The following SMTNL2 variants were observed in gnomAD, a reference collection of about 807,000 sequenced individuals.
SMTNL2 encodes the protein smoothelin like 2, also known as smoothelin-like protein 2.
In SMTNL2, 43 loss-of-function variants were observed where a neutral mutation model predicts 44.1. The observed-to-expected ratio is 0.98, with a 90% CI of 0.76 to 1.26. The LOEUF is 1.26. Among genes scored for constraint, SMTNL2 ranks in the 50% most tolerant of loss-of-function variants. The pLI, the probability that SMTNL2 is intolerant of heterozygous loss-of-function variation, is 0.00. For synonymous variants in SMTNL2, 317 were observed against 287.6 expected (o/e 1.10, Z -1.03); for missense variants, 646 against 670.2 (o/e 0.96, Z 0.40).
At chr17:4,593,271 CGAG>C (rs988772225) in intron 3 of SMTNL2, 100 bp downstream of exon 3, 8 of 1,458,230 alleles carry the variant, frequency 5.5e-6, no homozygotes, top group Admixed American at 2.4e-5. Context: ...ACATGGAAAA[CGAG>C]GGGCTAAGCC....
In SMTNL2 at chr17:4,607,292, G is replaced by A. The variant is rs1346234850; in HGVS notation, c.1260-69G>A. 8.1e-6 allele frequency: 13 copies of A among 1,595,902 alleles called. No homozygotes were observed. Among genetic ancestry groups the A allele is most frequent in the East Asian group, 2.3e-5 (1 of 43,394 alleles). ...GCTCTGTTCCCGGGACCGAGACACC[G>A]GCCCTGTCGCGGCTGTGGGGCTGGC... On this transcript the variant is annotated intron_variant, in intron 7 of 7. Transcript: ENST00000389313. This position sits in a 1 kb window ranked among gnomAD's most constrained non-coding sequence, Gnocchi z 4.7.
chr17:4,604,726 C>T (rs1389883785), intron 7 of SMTNL2, among the ~76,000 whole-genome samples: 1 of 152,098 alleles, frequency 6.6e-6, no homozygotes, highest in Non-Finnish European at 1.5e-5. Context: ...GGCTGGAGTG[C>T]AGTAGCACGA....
rs552501738 is a variant in SMTNL2, at chr17:4,595,741, G to A, written c.989+414G>A. On this transcript the variant is annotated intron_variant, in intron 5 of 7. Transcript: ENST00000389313. This position sits in a 1 kb window ranked among gnomAD's most constrained non-coding sequence, Gnocchi z 5.1. ...GCCAGAGCTGGGAGCCCCAGCATGG[G>A]GTTGGTCTTGCCCAAGGACCGAAGG... Among the ~76,000 whole-genome samples, 2 of 152,362 alleles carry A rather than the reference G, an allele frequency of 1.3e-5. No individual in the cohort carries two copies. Among genetic ancestry groups the A allele is most frequent in the East Asian group, 3.9e-4 (2 of 5,178 alleles).
In SMTNL2 at chr17:4,592,534, T is replaced by C; in HGVS notation, c.487+86T>C. On this transcript the variant is annotated intron_variant, in intron 2 of 7. Transcript: ENST00000389313. The surrounding 1 kb of genome is among the most constrained non-coding windows in gnomAD (Gnocchi z 4.5). ...TCAGGTATCTGTGCCAGGCTGGCCC[T>C]TGGCCTGGCATCGGGGGGACTCTAT... is the stretch of plus-strand genomic sequence containing the variant. The C allele has an allele frequency of 7.6e-7, 1 of 1,314,254 alleles. No individual in the cohort carries two copies. Among genetic ancestry groups the C allele is most frequent in the Non-Finnish European group, 1.1e-6 (1 of 951,034 alleles). The allele number at this position is 1,314,254 out of a possible 1,614,324, so 81.4% of individuals were successfully genotyped here.
intron 1 of SMTNL2, among the ~76,000 whole-genome samples, chr17:4,589,577 G>A (rs1041389764): frequency 5.3e-5 from 8 of 152,226 alleles, no homozygotes; most frequent in Non-Finnish European, 7.4e-5. Context: ...CTCAGGGGTC[G>A]CCTCCTCTCC....
chr17:4,600,330 C>G lies in SMTNL2; in HGVS notation c.1259+3007C>G, dbSNP rs1310282912. Among the ~76,000 whole-genome samples the G allele has an allele frequency of 1.3e-5, 2 of 152,116 alleles. No homozygotes were observed. Among genetic ancestry groups the G allele is most frequent in the Non-Finnish European group, 2.9e-5 (2 of 68,024 alleles). ...AAGGCTGAGCAGATCCAGGGTCGTG[C>G]AGGCAGCAGGACCACAGAGCTAAGA... On this transcript the variant is annotated intron_variant, in intron 7 of 7. Coordinates refer to ENST00000389313, the MANE Select transcript of SMTNL2 (RefSeq NM_001114974.2). The surrounding 1 kb of genome is among the most constrained non-coding windows in gnomAD (Gnocchi z 4.7).
chr17:4,595,384 G>A lies in SMTNL2; in HGVS notation c.989+57G>A. The A allele has an allele frequency of 6.3e-7, 1 of 1,579,556 alleles. No homozygotes were observed. The highest frequency in any genetic ancestry group is 8.6e-7 in the Non-Finnish European group (1 of 1,161,458). ...CCCACGGTGTGCCCAGACCCAGACG[G>A]GGCTTGGGTGGGTGCAGCAGGGCAA... On this transcript the variant is annotated intron_variant, in intron 5 of 7. Coordinates refer to ENST00000389313, the MANE Select transcript of SMTNL2 (RefSeq NM_001114974.2). This position sits in a 1 kb window ranked among gnomAD's most constrained non-coding sequence, Gnocchi z 5.1.
Position 4,605,157 on chromosome 17 carries a change from T to TG in SMTNL2, c.1260-2204_1260-2203insG, listed in dbSNP as rs1320490119. Reference sequence around the variant, plus strand: ...AATCTCTGACTTTTTTGTTTGGTTTTTTTTTTTTTTTTTTTTTTTTTTGAG... The same window carrying TG: ...AATCTCTGACTTTTTTGTTTGGTTTTGTTTTTTTTTTTTTTTTTTTTTTGAG... On this transcript the variant is annotated intron_variant, in intron 7 of 7. Coordinates refer to ENST00000389313, the MANE Select transcript of SMTNL2 (RefSeq NM_001114974.2). Among the ~76,000 whole-genome samples, 655 of 130,460 alleles carry TG rather than the reference T, an allele frequency of 5.0e-3. 8 individuals are homozygous for TG. Among genetic ancestry groups the TG allele is most frequent in the African/African-American group, 0.019 (622 of 32,370 alleles). 85.6% of individuals were successfully genotyped at this position (130,460 alleles called of 152,430 possible).
intron 7 of SMTNL2, among the ~76,000 whole-genome samples, chr17:4,605,366 G>A (rs1169294374): frequency 6.6e-6 from 1 of 151,818 alleles, no homozygotes; most frequent in African/African-American, 2.4e-5. Context: ...TTGCTGTGTT[G>A]TCCAGGCTGG....
rs904720522 is a variant in SMTNL2 at position 4,598,112 on chromosome 17, C to T, written c.1259+789C>T. On this transcript the variant is annotated intron_variant, in intron 7 of 7. Transcript: ENST00000389313. This position sits in a 1 kb window ranked among gnomAD's most constrained non-coding sequence, Gnocchi z 4.8. The stretch of plus-strand genomic sequence containing the variant: ...AACAGCAGTGTGGCGGATCTCAGCC[C>T]GTGGCCTGGGTGCGGAGGACTGTCT... Among the ~76,000 whole-genome samples the T allele has an allele frequency of 2.0e-5, 3 of 152,206 alleles. No individual in the cohort carries two copies. Among genetic ancestry groups the T allele is most frequent in the African/African-American group, 4.8e-5 (2 of 41,446 alleles).
At position 4,584,609 on chromosome 17, in the gene SMTNL2, G is replaced by A. The variant is rs1909263706; in HGVS notation, c.4G>A (p.Glu2Lys). Residue 2 changes from glutamate to lysine, a missense_variant, in exon 1 of 8, where the codon GAG becomes AAG. By Grantham distance (56) the Glu-to-Lys change is moderately conservative (BLOSUM62 1). Transcript: ENST00000389313. ...GACCCGCGCGCTCTGCTGGGCCATG[G>A]AGCCGGCCCCCGACGCCCAGGAGGC... is the stretch of plus-strand genomic sequence containing the variant. Reference protein sequence around the residue: MEPAPDAQEART... With the variant: MKPAPDAQEART... 6 of 1,241,138 alleles carry A rather than the reference G, an allele frequency of 4.8e-6. No individual in the cohort carries two copies. The South Asian group carries it at 1.0e-4, about 21-fold the overall frequency. 76.9% of individuals were successfully genotyped at this position (1,241,138 alleles called of 1,614,324 possible). A position where few individuals can be genotyped will look rare whatever the true frequency, so the allele number is the denominator to read the frequency against.
Position 4,584,999 on chromosome 17 carries a change from G to A in SMTNL2, c.394G>A (p.Gly132Ser). ...SHATFSLSGR[G>S]QSLDHDEASE... ...CGCCACCTTCTCGCTGTCCGGCCGC[G>A]GCCAGGTGAGCCCGGGGGAGCGCGT... Residue 132 changes from glycine to serine, a missense_variant, in exon 1 of 8, where the codon GGC becomes AGC. Physicochemically the swap from Gly to Ser is moderately conservative, Grantham distance 56. Coordinates refer to ENST00000389313, the MANE Select transcript of SMTNL2 (RefSeq NM_001114974.2). The A allele has an allele frequency of 2.9e-6, 4 of 1,356,850 alleles. No homozygotes were observed. Among genetic ancestry groups the A allele is most frequent in the South Asian group, 1.7e-5 (1 of 57,876 alleles). The allele number at this position is 1,356,850 out of a possible 1,614,324, so 84.1% of individuals were successfully genotyped here.
At chr17:4,585,125 C>A in intron 1 of SMTNL2, 121 bp downstream of exon 1, 1 of 1,163,048 alleles carries the variant, frequency 8.6e-7, no homozygotes, top group Admixed American at 4.4e-5. Flanking sequence ...TCACCGGCCG[C>A]TCGGACTAGG....
Position 4,595,403 on chromosome 17 carries a change from A to T in SMTNL2, c.989+76A>T, listed in dbSNP as rs1306403793. Reference sequence around the variant, plus strand: ...CAGACGGGGCTTGGGTGGGTGCAGCAGGGCAAGGTTCAGCCCTGTCCTGTT... The same window carrying T: ...CAGACGGGGCTTGGGTGGGTGCAGCTGGGCAAGGTTCAGCCCTGTCCTGTT... On this transcript the variant is annotated intron_variant, in intron 5 of 7. Coordinates refer to ENST00000389313, the MANE Select transcript of SMTNL2 (RefSeq NM_001114974.2). This position sits in a 1 kb window ranked among gnomAD's most constrained non-coding sequence, Gnocchi z 5.1. The T allele has an allele frequency of 1.3e-6, 2 of 1,550,116 alleles. No individual in the cohort carries two copies. The highest frequency in any genetic ancestry group is 1.7e-6 in the Non-Finnish European group (2 of 1,144,472).
At chr17:4,604,941 G>T (rs1283961103) in intron 7 of SMTNL2, among the ~76,000 whole-genome samples, 1 of 152,176 alleles carries the variant, frequency 6.6e-6, no homozygotes, top group East Asian at 1.9e-4. Flanking sequence ...AAAGTGCCGG[G>T]ATTACAGGTG....
intron 1 of SMTNL2, among the ~76,000 whole-genome samples, chr17:4,585,323 T>A (rs1909303899): frequency 6.6e-6 from 1 of 152,260 alleles, no homozygotes; most frequent in African/African-American, 2.4e-5. Context: ...GGCCCCTGAC[T>A]GTTCAGCACT....
chr17:4,591,389 G>A (rs967905326), intron 1 of SMTNL2, among the ~76,000 whole-genome samples: 14 of 152,148 alleles, frequency 9.2e-5, no homozygotes, highest in Middle Eastern at 3.4e-3. Context: ...CCGTTCACAC[G>A]CCCTGGCTGT....
Position 4,607,258 on chromosome 17 carries a change from G to A in SMTNL2, c.1260-103G>A. 6.4e-7 allele frequency: 1 copy of A among 1,555,538 alleles called. No homozygotes were observed. The highest frequency in any genetic ancestry group is 8.7e-7 in the Non-Finnish European group (1 of 1,147,954). On this transcript the variant is annotated intron_variant, in intron 7 of 7. Coordinates refer to ENST00000389313, the MANE Select transcript of SMTNL2 (RefSeq NM_001114974.2). The surrounding 1 kb of genome is among the most constrained non-coding windows in gnomAD (Gnocchi z 4.7). ...GGTGGGTCCTTGGGAACCTCTGGCT[G>A]CCGGCTGAGCTCTGTTCCCGGGACC...
rs1037847495 is a variant in SMTNL2, at chr17:4,598,927, C to T, written c.1259+1604C>T. On this transcript the variant is annotated intron_variant, in intron 7 of 7. Transcript: ENST00000389313. The surrounding 1 kb of genome is among the most constrained non-coding windows in gnomAD (Gnocchi z 4.8). Reference sequence around the variant, plus strand: ...TTCCTTTCCCAGCCCAACCACCAACCACCTGGCCCCGGCCCCAGCCCCGGC... The same window carrying T: ...TTCCTTTCCCAGCCCAACCACCAACTACCTGGCCCCGGCCCCAGCCCCGGC... Among the ~76,000 whole-genome samples the T allele has an allele frequency of 1.3e-5, 2 of 152,214 alleles. No individual in the cohort carries two copies. Among genetic ancestry groups the T allele is most frequent in the Non-Finnish European group, 2.9e-5 (2 of 68,038 alleles).
Sources: allele counts gnomAD v4.1 joint callset (sites outside exome capture counted in the v4.1 genomes callset), GRCh38; gene constraint gnomAD v4.1.1; non-coding constraint Gnocchi (gnomAD v3.1); transcripts MANE v1.5; gene names NCBI Gene and HGNC (gene_info 2026-07-23, HGNC 2026-07-21).